The following DOCK8 variants were observed in gnomAD, a reference collection of about 807,000 sequenced individuals.
The protein encoded by DOCK8 is dedicator of cytokinesis protein 8.
Under a neutral mutation model 245.6 loss-of-function variants are expected in DOCK8, and 141 were observed. That is an observed-to-expected ratio of 0.57 (90% CI 0.50 to 0.66). The LOEUF (loss-of-function observed/expected upper bound fraction) is 0.66, where lower values mean the gene tolerates loss of function less well. Among genes scored for constraint, DOCK8 ranks in the 30% least tolerant of loss-of-function variants. The probability of loss-of-function intolerance (pLI) is 0.00; values close to 1 mark genes in which losing one functional copy is unlikely to be tolerated. For missense variants in DOCK8, 2,965 were observed against 2,603.4 expected (o/e 1.14, Z -3.02); for synonymous variants, 1,168 against 970.2 (o/e 1.20, Z -3.79).
intron 1 of DOCK8, among the ~76,000 whole-genome samples, chr9:230,800 C>A (rs982005635): frequency 4.8e-4 from 73 of 151,878 alleles, no homozygotes; most frequent in Middle Eastern, 3.4e-3. Flanking sequence ...TCTGGATATT[C>A]GCCCTTTGTC....
intron 46 of DOCK8, chr9:452,898 G>A (rs2057511920): frequency 6.6e-6 from 1 of 152,186 alleles, no homozygotes; most frequent in African/African-American, 2.4e-5. Context: ...GATATATTGG[G>A]TCTCCTATGG....
At chr9:393,375 A>C (rs2054293899) in intron 24 of DOCK8, among the ~76,000 whole-genome samples, 2 of 152,226 alleles carry the variant, frequency 1.3e-5, no homozygotes, top group East Asian at 3.8e-4. Flanking sequence ...ACTACTGAGC[A>C]TCTTACTATA....
intron 33 of DOCK8, among the ~76,000 whole-genome samples, chr9:423,753 T>G (rs76356203): frequency 0.019 from 2,863 of 152,304 alleles, 44 homozygotes; most frequent in Non-Finnish European, 0.026. Flanking sequence ...CCATACATTC[T>G]ACTTCGGGCA....
chr9:429,800 C>G lies in DOCK8; in HGVS notation c.4572C>G (p.Ser1524Arg). 2 of 1,614,186 alleles carry G rather than the reference C, an allele frequency of 1.2e-6. No individual in the cohort carries two copies. Among genetic ancestry groups the G allele is most frequent in the African/African-American group, 1.3e-5 (1 of 75,044 alleles). ...HCSSSMDVTR[S>R]QACATLYLLM... is the part of the protein sequence containing the mutation. ...GCAGCAGCATGGATGTCACCCGGAGCCAAGCCTGTGCCACCCTTTACCTCC... is the reference window on the plus strand; with the variant it reads ...GCAGCAGCATGGATGTCACCCGGAGGCAAGCCTGTGCCACCCTTTACCTCC... The change falls in exon 36 of 48, where the codon AGC (serine) becomes AGG (arginine). Residue 1524 changes from serine (S) to arginine (R), a missense_variant. Ser to Arg is a moderately radical substitution (Grantham distance 110). This residue lies in a region of DOCK8 where 2,825 missense variants were observed against 2,453.5 expected (regional missense o/e 1.15). Coordinates refer to ENST00000432829, the MANE Select transcript of DOCK8 (RefSeq NM_203447.4).
At chr9:377,288 C>A in intron 20 of DOCK8, 77 bp downstream of exon 20, 2 of 1,357,042 alleles carry the variant, frequency 1.5e-6, no homozygotes, top group Non-Finnish European at 2.0e-6. Context: ...AATGACTTTC[C>A]AGAAATCCAG....
Position 403,958 on chromosome 9 carries a change from A to G in DOCK8, c.3235-960A>G, listed in dbSNP as rs867914776. On this transcript the variant is annotated intron_variant, in intron 26 of 47. Transcript: ENST00000432829. ...TATATATATATGTGTATATATATAT[A>G]TGTATATATATATATATGTGTATAT... is the stretch of plus-strand genomic sequence containing the variant. Among the ~76,000 whole-genome samples, 63 of 75,618 alleles carry G rather than the reference A, an allele frequency of 8.3e-4. 1 individual carries two copies. Among genetic ancestry groups the G allele is most frequent in the African/African-American group, 1.7e-3 (20 of 11,628 alleles). 49.6% of individuals were successfully genotyped at this position (75,618 alleles called of 152,430 possible).
intron 1 of DOCK8, among the ~76,000 whole-genome samples, chr9:229,428 A>G (rs1278102737): frequency 6.6e-6 from 1 of 152,202 alleles, no homozygotes; most frequent in Admixed American, 6.6e-5. Flanking sequence ...AGGTATATGA[A>G]CTTAATAATC....
At chr9:293,297 C>T (rs1304108385) in intron 4 of DOCK8, among the ~76,000 whole-genome samples, 1 of 152,252 alleles carries the variant, frequency 6.6e-6, no homozygotes, top group Non-Finnish European at 1.5e-5. Context: ...AGGGATCATT[C>T]TGTCTCTATA....
chr9:355,523 C>T (rs570422073), intron 14 of DOCK8, among the ~76,000 whole-genome samples: 106 of 151,796 alleles, frequency 7.0e-4, no homozygotes, highest in Admixed American at 5.5e-3. Flanking sequence ...ATTTCTAGGA[C>T]ATCTGCAATG....
intron 2 of DOCK8, among the ~76,000 whole-genome samples, chr9:283,255 G>C (rs1284049310): frequency 6.6e-6 from 1 of 152,160 alleles, no homozygotes; most frequent in Non-Finnish European, 1.5e-5. Context: ...TACAGGCTGA[G>C]CATCCCTAGT....
At position 403,858 on chromosome 9, in the gene DOCK8, A is replaced by ATCTCTCTGTCTC. The variant is rs1554693888; in HGVS notation, c.3235-1053_3235-1052insGTCTCTCTCTCT. Among the ~76,000 whole-genome samples the ATCTCTCTGTCTC allele has an allele frequency of 2.0e-3, 164 of 83,928 alleles. 10 individuals carry two copies. The highest frequency in any genetic ancestry group is 6.3e-3 in the Middle Eastern group (1 of 158). The allele number at this position is 83,928 out of a possible 152,430, so 55.1% of individuals were successfully genotyped here. A position where few individuals can be genotyped will look rare whatever the true frequency, so the allele number is the denominator to read the frequency against. ...CCAGTTCAACAGAGCAAGACTCTGT[A>ATCTCTCTGTCTC]TCTCTCTCTCTCTCTCTCTCTCTCT... On this transcript the variant is annotated intron_variant, in intron 26 of 47. Transcript: ENST00000432829.
chr9:374,727 A>G (rs1386116155), intron 18 of DOCK8, among the ~76,000 whole-genome samples: 1 of 151,722 alleles, frequency 6.6e-6, no homozygotes, highest in Non-Finnish European at 1.5e-5. Context: ...TGGACTCCCA[A>G]AGTCCTGGGA....
intron 46 of DOCK8, among the ~76,000 whole-genome samples, chr9:455,056 C>T (rs1188247054): frequency 1.3e-5 from 2 of 152,192 alleles, no homozygotes; most frequent in African/African-American, 4.8e-5. Flanking sequence ...AGTTGTTCTC[C>T]TACCCTTTTA....
intron 10 of DOCK8, among the ~76,000 whole-genome samples, chr9:333,226 T>C (rs567955192): frequency 1.3e-5 from 2 of 152,362 alleles, no homozygotes; most frequent in African/African-American, 4.8e-5. Context: ...TATATATTCA[T>C]TAGCACAGCA....
chr9:348,381 T>A (rs932948573), intron 14 of DOCK8, among the ~76,000 whole-genome samples: 2 of 152,206 alleles, frequency 1.3e-5, no homozygotes, highest in Non-Finnish European at 2.9e-5. Context: ...CACAACTCCA[T>A]ACCACTCTCC....
chr9:233,094 G>T (rs1283975264), intron 1 of DOCK8, among the ~76,000 whole-genome samples: 1 of 152,126 alleles, frequency 6.6e-6, no homozygotes, highest in African/African-American at 2.4e-5. Flanking sequence ...CTGGTATGTT[G>T]TGTCTTTGTT....
At chr9:436,738 A>G (rs1222810496) in intron 39 of DOCK8, among the ~76,000 whole-genome samples, 1 of 152,228 alleles carries the variant, frequency 6.6e-6, no homozygotes, top group East Asian at 1.9e-4. Context: ...ATCTGTTCAC[A>G]TATATTTATC....
chr9:309,510 A>G (rs1427387279), intron 5 of DOCK8, among the ~76,000 whole-genome samples: 1 of 152,224 alleles, frequency 6.6e-6, no homozygotes, highest in African/African-American at 2.4e-5. Flanking sequence ...ATAGTTGATT[A>G]CAGTTATACA....
chr9:452,416 G>A (rs562845738), intron 46 of DOCK8: 10 of 193,452 alleles, frequency 5.2e-5, no homozygotes, highest in Non-Finnish European at 7.5e-5. Flanking sequence ...CTAGCATCCC[G>A]TGTGCCTCAC....
Sources: gnomAD v4.1 joint callset for allele counts (sites outside exome capture counted in the v4.1 genomes callset) on GRCh38, gnomAD v4.1.1 for gene constraint, gnomAD v4.1.1 regional missense constraint, MANE v1.5 for transcripts, NCBI Gene and HGNC (gene_info 2026-07-23, HGNC 2026-07-21) for gene names.